The following CHN2 variants were observed in gnomAD, a reference collection of about 807,000 sequenced individuals.
CHN2 encodes chimerin 2, also known as beta-chimaerin.
Under a neutral mutation model 56.3 loss-of-function variants are expected in CHN2, and 35 were observed. That is an observed-to-expected ratio of 0.62 (90% CI 0.47 to 0.82). The LOEUF (loss-of-function observed/expected upper bound fraction) is 0.82. Ranked by LOEUF, CHN2 falls within the 40% of genes least tolerant of loss-of-function variation. The probability of loss-of-function intolerance (pLI) is 0.00; values close to 1 mark genes in which losing one functional copy is unlikely to be tolerated. For synonymous variants in CHN2, 210 were observed against 212.8 expected (o/e 0.99, Z 0.12); for missense variants, 491 against 580.5 (o/e 0.85, Z 1.58).
chr7:29,336,429 G>A (rs774073521), intron 1 of CHN2, among the ~76,000 whole-genome samples: 45 of 152,102 alleles, frequency 3.0e-4, no homozygotes, highest in Admixed American at 2.0e-4. Flanking sequence ...GAGCAACACA[G>A]TAAGACTCTG....
At position 29,273,572 on chromosome 7, in the gene CHN2, A is replaced by T. The variant is rs115422875; in HGVS notation, c.49+78582A>T. On this transcript the variant is annotated intron_variant, in intron 1 of 12. Coordinates refer to ENST00000222792, the MANE Select transcript of CHN2 (RefSeq NM_004067.4). ...ATCACTGGGTCCTATGATCATTCCA[A>T]CTTTAATTTCTGTAGGACTCTCTGT... 4.8e-3 allele frequency among the ~76,000 whole-genome samples: 721 copies of T among 151,446 alleles called. 4 individuals carry two copies. The highest frequency in any genetic ancestry group is 0.017 in the African/African-American group (692 of 41,252).
At chr7:29,329,947 A>G (rs1206841743) in intron 1 of CHN2, among the ~76,000 whole-genome samples, 2 of 152,174 alleles carry the variant, frequency 1.3e-5, no homozygotes, top group East Asian at 1.9e-4. Context: ...TGGACTATTC[A>G]TATCTCACCT....
At position 29,324,467 on chromosome 7, in the gene CHN2, G is replaced by C. The variant is rs551141506; in HGVS notation, c.50-30158G>C. Among the ~76,000 whole-genome samples, 7 of 152,290 alleles carry C rather than the reference G, an allele frequency of 4.6e-5. No homozygotes were observed. The South Asian group carries it at 1.5e-3, about 32-fold the overall frequency. On this transcript the variant is annotated intron_variant, in intron 1 of 12. Transcript: ENST00000222792. Reference sequence around the variant, plus strand: ...GAAAGGCAAGATAGGGGTTGGGTTAGTTCAGCTGTTACAATTTTTCTCACT... The same window carrying C: ...GAAAGGCAAGATAGGGGTTGGGTTACTTCAGCTGTTACAATTTTTCTCACT...
chr7:29,440,583 T>TCAA (rs1284833966), intron 6 of CHN2, among the ~76,000 whole-genome samples: 2 of 148,674 alleles, frequency 1.3e-5, no homozygotes, highest in African/African-American at 2.5e-5. Flanking sequence ...CCCAGCTACT[T>TCAA]GGGACGCAGG....
intron 6 of CHN2, among the ~76,000 whole-genome samples, chr7:29,403,030 C>T (rs891772295): frequency 2.0e-5 from 3 of 151,972 alleles, no homozygotes; most frequent in Non-Finnish European, 2.9e-5. Flanking sequence ...GTTTGATGGA[C>T]GGGTGTCGGT....
intron 8 of CHN2, among the ~76,000 whole-genome samples, chr7:29,497,463 C>T (rs184037783): frequency 7.9e-5 from 12 of 151,490 alleles, no homozygotes; most frequent in African/African-American, 2.9e-4. Context: ...GGGATAAAAG[C>T]GTTTTTGTGG....
intron 1 of CHN2, among the ~76,000 whole-genome samples, chr7:29,260,138 C>G (rs1020996330): frequency 2.0e-5 from 3 of 151,958 alleles, no homozygotes; most frequent in Non-Finnish European, 2.9e-5. Context: ...CCATCATGCC[C>G]GGCTAATTTT....
exon 1 of CHN2, chr7:29,146,612 C>T (rs1022857906): frequency 5.2e-6 from 8 of 1,550,294 alleles, no homozygotes; most frequent in Non-Finnish European, 5.2e-6. Flanking sequence ...GCAAAAAGTG[C>T]GTCGTCGTGT....
intron 1 of CHN2, among the ~76,000 whole-genome samples, chr7:29,240,864 T>TCTTCTTC (rs547619658): frequency 1.5e-4 from 23 of 152,046 alleles, no homozygotes; most frequent in South Asian, 4.2e-4. Flanking sequence ...CTTTCTTCTT[T>TCTTCTTC]CTTCTTCCTT....
intron 1 of CHN2, among the ~76,000 whole-genome samples, chr7:29,323,569 C>T (rs1308362487): frequency 3.3e-5 from 5 of 152,046 alleles, no homozygotes; most frequent in East Asian, 3.9e-4. Flanking sequence ...GAGGCCGCCT[C>T]GCCACGTGGG....
intron 1 of CHN2, among the ~76,000 whole-genome samples, chr7:29,347,674 G>A (rs188832506): frequency 7.9e-5 from 12 of 152,302 alleles, no homozygotes; most frequent in Admixed American, 3.9e-4. Flanking sequence ...TTTTCAAGAT[G>A]AAACTTGAAT....
At chr7:29,180,744 A>G (rs1797968809) in intron 2 of CHN2, among the ~76,000 whole-genome samples, 1 of 152,254 alleles carries the variant, frequency 6.6e-6, no homozygotes, top group Admixed American at 6.5e-5. Flanking sequence ...GAGTCCAGTG[A>G]TTAAGAGCTC....
chr7:29,231,158 A>G (rs1420171314), intron 1 of CHN2, among the ~76,000 whole-genome samples: 2 of 152,148 alleles, frequency 1.3e-5, no homozygotes, highest in Non-Finnish European at 2.9e-5. Flanking sequence ...TTTGGGGAAA[A>G]ATATTCTGTA....
chr7:29,383,265 G>A (rs895396509), intron 3 of CHN2, among the ~76,000 whole-genome samples: 1 of 152,196 alleles, frequency 6.6e-6, no homozygotes, highest in Non-Finnish European at 1.5e-5. Flanking sequence ...TGTGTTGCAG[G>A]TGGTGTAGTT....
intron 1 of CHN2, among the ~76,000 whole-genome samples, chr7:29,240,770 TTTC>T: frequency 7.1e-6 from 1 of 141,140 alleles, no homozygotes; most frequent in African/African-American, 3.0e-5. Flanking sequence ...GGACTTTTTC[TTTC>T]TTCTTCTTTT....
At chr7:29,320,433 G>A (rs1795251204) in intron 1 of CHN2, among the ~76,000 whole-genome samples, 2 of 152,164 alleles carry the variant, frequency 1.3e-5, no homozygotes, top group East Asian at 3.9e-4. Flanking sequence ...GGTTTGCCAG[G>A]GTGGCTTTTT....
chr7:29,405,164 T>TACACACACACACAC (rs57823678), intron 6 of CHN2, among the ~76,000 whole-genome samples: 1,477 of 105,176 alleles, frequency 0.014, 236 homozygotes, highest in East Asian at 0.023. Context: ...TATGTCACCA[T>TACACACACACACAC]ACACACACAC....
chr7:29,470,834 G>A (rs1418846560), intron 6 of CHN2, among the ~76,000 whole-genome samples: 1 of 152,204 alleles, frequency 6.6e-6, no homozygotes, highest in Non-Finnish European at 1.5e-5. Context: ...TGAGTGTCTT[G>A]ACTTTTGTAG....
At chr7:29,204,490 CAGTG>C (rs1784386895) in intron 1 of CHN2, among the ~76,000 whole-genome samples, 1 of 152,164 alleles carries the variant, frequency 6.6e-6, no homozygotes, top group Non-Finnish European at 1.5e-5. Flanking sequence ...TCCTCAGAGA[CAGTG>C]AGATCCAGTA....
Sources: gnomAD v4.1 joint callset for allele counts (sites outside exome capture counted in the v4.1 genomes callset) on GRCh38, gnomAD v4.1.1 for gene constraint, MANE v1.5 for transcripts, NCBI Gene and HGNC (gene_info 2026-07-23, HGNC 2026-07-21) for gene names.